The following SLC30A10 variants were observed in gnomAD, a reference collection of about 807,000 sequenced individuals.
The protein encoded by SLC30A10 is solute carrier family 30 member 10, also known as calcium/manganese antiporter SLC30A10.
A neutral mutation model predicts 21.7 loss-of-function variants in SLC30A10; 8 were observed. The observed-to-expected ratio is 0.37, with a 90% CI of 0.22 to 0.67. The LOEUF (loss-of-function observed/expected upper bound fraction) is 0.67, where lower values mean the gene tolerates loss of function less well. Ranked by LOEUF, SLC30A10 falls within the 30% of genes least tolerant of loss-of-function variation. The probability of loss-of-function intolerance (pLI) is 0.58; values close to 1 mark genes in which losing one functional copy is unlikely to be tolerated. For missense variants in SLC30A10, 521 were observed against 642.5 expected, an observed-to-expected ratio of 0.81 and a Z score of 2.04; for synonymous variants, 272 against 279.4, an observed-to-expected ratio of 0.97 and a Z score of 0.26.
chr1:219,918,271 G>A lies in SLC30A10; in HGVS notation c.942C>T (p.Val314=), dbSNP rs773938384. The A allele has an allele frequency of 5.0e-6, 8 of 1,613,966 alleles. No individual in the cohort carries two copies. In the Admixed American group the frequency reaches 1.3e-4, roughly 27 times the overall value. The stretch of plus-strand genomic sequence containing the variant: ...TCTACTTACTCAGCTCTTCCATGTT[G>A]ACTCCTTTTGGGACCATCTGTAGCA... ...AILLQMVPKG[V]NMEELMSKLS... is the part of the protein sequence containing the mutation. Residue 314 remains valine, a synonymous_variant, in exon 3 of 4, where the codon GTC becomes GTT. Transcript: ENST00000366926. This position sits in a 1 kb window ranked among gnomAD's most constrained non-coding sequence, Gnocchi z 4.4.
chr1:219,959,034 T>C (rs1660388719), upstream of SLC30A10, among the ~76,000 whole-genome samples: 1 of 152,204 alleles, frequency 6.6e-6, no homozygotes, highest in African/African-American at 2.4e-5. Flanking sequence ...CTCGGTGCCC[T>C]GGCAGTTCCT....
chr1:219,927,019 C>A lies in SLC30A10; in HGVS notation c.718+9G>T. 6.2e-7 allele frequency: 1 copy of A among 1,604,568 alleles called. No homozygotes were observed. The highest frequency in any genetic ancestry group is 1.1e-5 in the South Asian group (1 of 90,600). On this transcript the variant is annotated intron_variant, in intron 2 of 3. Coordinates refer to ENST00000366926, the MANE Select transcript of SLC30A10 (RefSeq NM_018713.3). ...AAGGGATTTCAAATAGGCCCAAAGT[C>A]AATCCTACCTCTGATATTCAGAGCT...
intron 1 of SLC30A10, among the ~76,000 whole-genome samples, chr1:219,945,374 T>A (rs1398611187): frequency 1.3e-5 from 2 of 152,194 alleles, no homozygotes; most frequent in Admixed American, 1.3e-4. Context: ...AAAGGGTACA[T>A]GAGACTTCTA....
intron 1 of SLC30A10, among the ~76,000 whole-genome samples, chr1:219,936,645 T>C (rs1430920050): frequency 6.6e-6 from 1 of 152,182 alleles, no homozygotes; most frequent in African/African-American, 2.4e-5. Context: ...TGTCTGGTCA[T>C]TAAACATGAG....
chr1:219,950,136 C>T (rs142801631), intron 1 of SLC30A10, among the ~76,000 whole-genome samples: 306 of 152,278 alleles, frequency 2.0e-3, no homozygotes, highest in African/African-American at 7.0e-3. Flanking sequence ...AGCCATAAAA[C>T]GGTTGATGCC....
At position 219,928,244 on chromosome 1, in the gene SLC30A10, C is replaced by A; in HGVS notation, c.197G>T (p.Arg66Leu). The A allele has an allele frequency of 1.9e-6, 3 of 1,577,128 alleles. No homozygotes were observed. The highest frequency in any genetic ancestry group is 2.3e-5 in the East Asian group (1 of 43,108). Residue 66 changes from arginine to leucine, a missense_variant, in exon 1 of 4, where the codon CGG (arginine) becomes CTG (leucine). By Grantham distance (102) the Arg-to-Leu change is moderately radical. Transcript: ENST00000366926. This position sits in a 1 kb window ranked among gnomAD's most constrained non-coding sequence, Gnocchi z 6.3. ...GTAGCCGTAGGTGGCGCTGAAGCCC[C>A]GGGTGGGGCGCCGGGCGATGTAGCC... is the stretch of plus-strand genomic sequence containing the variant. ...SAGYIARRPT[R>L]GFSATYGYAR...
rs371563840 is a variant in SLC30A10, at chr1:219,927,783, G to A, written c.640+18C>T. 4.6e-6 allele frequency: 7 copies of A among 1,527,406 alleles called. No individual in the cohort carries two copies. The African/African-American group carries it at 1.0e-4, about 22-fold the overall frequency. The allele number at this position is 1,527,406 out of a possible 1,614,324, so 94.6% of individuals were successfully genotyped here. ...GAAGGAAGGGCCAAGCGGTCCAAAG[G>A]ATGCAACCGAAAGGCACCTGCTACG... On this transcript the variant is annotated intron_variant, in intron 1 of 3. Coordinates refer to ENST00000366926, the MANE Select transcript of SLC30A10 (RefSeq NM_018713.3).
At chr1:219,952,594 C>G (rs1020449576) in intron 1 of SLC30A10, among the ~76,000 whole-genome samples, 3 of 152,134 alleles carry the variant, frequency 2.0e-5, no homozygotes, top group African/African-American at 7.2e-5. Context: ...AACCTGTTTT[C>G]CTTGTCTAAA....
In SLC30A10 at chr1:219,918,599, T is replaced by A; in HGVS notation, c.719-105A>T. Reference sequence around the variant, plus strand: ...TATGAATATCTGTTACCATTTGGAGTTTTTTGGTTTTTGTTTTGGTTAGAA... The same window carrying A: ...TATGAATATCTGTTACCATTTGGAGATTTTTGGTTTTTGTTTTGGTTAGAA... On this transcript the variant is annotated intron_variant, in intron 2 of 3. Transcript: ENST00000366926. The surrounding 1 kb of genome is among the most constrained non-coding windows in gnomAD (Gnocchi z 4.4). The A allele has an allele frequency of 1.4e-6, 2 of 1,454,284 alleles. No individual in the cohort carries two copies. Among genetic ancestry groups the A allele is most frequent in the Non-Finnish European group, 1.8e-6 (2 of 1,096,832 alleles). 90.1% of individuals were successfully genotyped at this position (1,454,284 alleles called of 1,614,324 possible). A position where few individuals can be genotyped will look rare whatever the true frequency, so the allele number is the denominator to read the frequency against.
chr1:219,949,013 C>T (rs1455502233), intron 1 of SLC30A10, among the ~76,000 whole-genome samples: 3 of 151,308 alleles, frequency 2.0e-5, no homozygotes, highest in African/African-American at 4.8e-5. Flanking sequence ...AAAAAATGCT[C>T]ACCATCACTG....
rs775306781 is a variant in SLC30A10, at chr1:219,915,602, G to C, written c.1305C>G (p.Pro435=). 5 of 1,614,242 alleles carry C rather than the reference G, an allele frequency of 3.1e-6. No homozygotes were observed. Among genetic ancestry groups the C allele is most frequent in the Non-Finnish European group, 4.2e-6 (5 of 1,180,050 alleles). Residue 435 remains proline, a synonymous_variant, in exon 4 of 4, where the codon CCC becomes CCG. Transcript: ENST00000366926. ...VNGCAEHNGG[P]SLDTYGSDGL... ...CATCACTTCCGTATGTGTCTAGAGAGGGCCCACCATTGTGCTCAGCACAGC... is the reference window on the plus strand; with the variant it reads ...CATCACTTCCGTATGTGTCTAGAGACGGCCCACCATTGTGCTCAGCACAGC...
intron 1 of SLC30A10, among the ~76,000 whole-genome samples, chr1:219,946,206 TC>T (rs1452266275): frequency 2.6e-5 from 4 of 152,332 alleles, no homozygotes; most frequent in Admixed American, 2.6e-4. Context: ...CTTGATACTA[TC>T]ACTTTGTGTC....
At chr1:219,921,033 T>G (rs113571365) in intron 2 of SLC30A10, among the ~76,000 whole-genome samples, 2,814 of 152,198 alleles carry the variant, frequency 0.018, 87 homozygotes, top group African/African-American at 0.062. Context: ...GGAAAGGAAA[T>G]GAAAACCAGC....
In SLC30A10 at chr1:219,927,967, C is replaced by T; in HGVS notation, c.474G>A (p.Leu158=). 1 of 1,547,280 alleles carries T rather than the reference C, an allele frequency of 6.5e-7. No individual in the cohort carries two copies. The highest frequency in any genetic ancestry group is 8.7e-7 in the Non-Finnish European group (1 of 1,146,086). The change falls in exon 1 of 4, where the codon CTG becomes CTA. Residue 158 remains leucine (L), a synonymous_variant. Coordinates refer to ENST00000366926, the MANE Select transcript of SLC30A10 (RefSeq NM_018713.3). ...RSRRLQQRQQ[L]AEGCVPGAFG... is the part of the protein sequence containing the mutation. The stretch of plus-strand genomic sequence containing the variant: ...AAGCGCCGGGGACACAGCCCTCCGC[C>T]AGCTGCTGCCGCTGCTGCAGGCGGC...
Position 219,911,149 on chromosome 1 carries a change from GTTTT to G in SLC30A10, c.*4296_*4299del. On this transcript the variant is annotated 3_prime_UTR_variant, in exon 4 of 4. Transcript: ENST00000366926. ...ATGTTTCTTCATTTTTTCTACATCA[GTTTT>G]TTTTTTTTTTTTTTTTTTTTTGCAG... 1.8e-4 allele frequency among the ~76,000 whole-genome samples: 9 copies of G among 49,398 alleles called. No individual in the cohort carries two copies. The highest frequency in any genetic ancestry group is 2.0e-3 in the South Asian group (2 of 1,022). The allele number at this position is 49,398 out of a possible 152,430, so 32.4% of individuals were successfully genotyped here. A position where few individuals can be genotyped will look rare whatever the true frequency, so the allele number is the denominator to read the frequency against.
At chr1:219,919,063 C>T (rs761051183) in intron 2 of SLC30A10, 5 of 152,146 alleles carry the variant, frequency 3.3e-5, no homozygotes, top group Admixed American at 6.5e-5. Flanking sequence ...GCAACATTTC[C>T]ATTGCATAAA....
At chr1:219,945,507 A>T (rs1660175237) in intron 1 of SLC30A10, among the ~76,000 whole-genome samples, 1 of 152,230 alleles carries the variant, frequency 6.6e-6, no homozygotes, top group African/African-American at 2.4e-5. Flanking sequence ...AATGAAGGTA[A>T]ATCTGAAAAA....
At chr1:219,947,935 A>G (rs906923715) in intron 1 of SLC30A10, among the ~76,000 whole-genome samples, 2 of 151,970 alleles carry the variant, frequency 1.3e-5, no homozygotes, top group African/African-American at 4.8e-5. Context: ...AAATCAATGT[A>G]CAAAAATCAC....
At chr1:219,927,549 C>T (rs897048424) in intron 1 of SLC30A10, among the ~76,000 whole-genome samples, 3 of 146,980 alleles carry the variant, frequency 2.0e-5, no homozygotes, top group African/African-American at 7.5e-5. Flanking sequence ...CAGGGCTACC[C>T]GAGGATCCAG....
Sources: gnomAD v4.1 joint callset for allele counts (sites outside exome capture counted in the v4.1 genomes callset) on GRCh38, gnomAD v4.1.1 for gene constraint, Gnocchi (gnomAD v3.1) non-coding constraint, MANE v1.5 for transcripts, NCBI Gene and HGNC (gene_info 2026-07-23, HGNC 2026-07-21) for gene names.